The following CRTAC1 variants were observed in gnomAD, a reference collection of about 807,000 sequenced individuals.
CRTAC1 encodes acidic secreted protein in cartilage.
A neutral mutation model predicts 67.8 loss-of-function variants in CRTAC1; 37 were observed. The observed-to-expected ratio is 0.55, with a 90% CI of 0.42 to 0.72. The LOEUF is 0.72. CRTAC1 is among the 30% of genes least tolerant of loss of function. CRTAC1 has a pLI of 0.00. For synonymous variants in CRTAC1, 348 were observed against 371.0 expected (o/e 0.94, Z 0.71); for missense variants, 780 against 931.6 (o/e 0.84, Z 2.12).
At chr10:97,997,919 C>T (rs1180990828) in intron 2 of CRTAC1, among the ~76,000 whole-genome samples, 1 of 152,034 alleles carries the variant, frequency 6.6e-6, no homozygotes, top group Non-Finnish European at 1.5e-5. Context: ...ATGAGAAAAC[C>T]TCACATGTCT....
chr10:97,975,321 AG>A lies in CRTAC1; in HGVS notation c.224+35816del, dbSNP rs2051782284. ...GAGCACGGGTGCTGCGGGAGGCGCC[AG>A]GGCCGGTTCCTGACCCGCCTCCTGG... On this transcript the variant is annotated intron_variant, in intron 2 of 14. Transcript: ENST00000370597. This position sits in a 1 kb window ranked among gnomAD's most constrained non-coding sequence, Gnocchi z 4.8. 6.6e-6 allele frequency among the ~76,000 whole-genome samples: 1 copy of A among 151,986 alleles called. No individual in the cohort carries two copies. Among genetic ancestry groups the A allele is most frequent in the South Asian group, 2.1e-4 (1 of 4,810 alleles).
intron 2 of CRTAC1, among the ~76,000 whole-genome samples, chr10:98,002,720 G>A (rs1294209819): frequency 7.0e-6 from 1 of 143,136 alleles, no homozygotes; most frequent in Admixed American, 7.0e-5. Flanking sequence ...GATGGTCACC[G>A]AGGAACAAAG....
Position 97,936,211 on chromosome 10 carries a change from C to A in CRTAC1, c.380G>T (p.Arg127Leu). 6.2e-7 allele frequency: 1 copy of A among 1,613,754 alleles called. No individual in the cohort carries two copies. The highest frequency in any genetic ancestry group is 8.5e-7 in the Non-Finnish European group (1 of 1,179,808). Residue 127 changes from arginine to leucine, a missense_variant, in exon 3 of 15, where the codon CGG (arginine) becomes CTG (leucine). Arg to Leu is a moderately radical substitution (Grantham distance 102). Coordinates refer to ENST00000370597, the MANE Select transcript of CRTAC1 (RefSeq NM_018058.7). ...GGTGTTGAGGAAGTAGATCTCCTCCCGGCCGTCCCCGTCGATGTCGCAGGC... is the reference window on the plus strand; with the variant it reads ...GGTGTTGAGGAAGTAGATCTCCTCCAGGCCGTCCCCGTCGATGTCGCAGGC... ...VTACDIDGDG[R>L]EEIYFLNTNN...
At chr10:98,017,398 G>A (rs949334213) in intron 1 of CRTAC1, among the ~76,000 whole-genome samples, 2 of 152,168 alleles carry the variant, frequency 1.3e-5, no homozygotes, top group African/African-American at 2.4e-5. Flanking sequence ...GGGCCAGAGC[G>A]CAGGGTGCCT....
chr10:97,936,974 T>G (rs1317672372), intron 2 of CRTAC1, among the ~76,000 whole-genome samples: 4 of 152,190 alleles, frequency 2.6e-5, no homozygotes, highest in Admixed American at 2.6e-4. Flanking sequence ...AGCAGGAGGC[T>G]TTGTTGTTGA....
chr10:97,946,601 GC>G (rs1283254631), intron 2 of CRTAC1, among the ~76,000 whole-genome samples: 2 of 152,204 alleles, frequency 1.3e-5, no homozygotes. Flanking sequence ...AGTGAAAGTG[GC>G]ATCTTGGGAT....
At chr10:97,907,779 T>A (rs1359480242) in intron 6 of CRTAC1, among the ~76,000 whole-genome samples, 1 of 152,112 alleles carries the variant, frequency 6.6e-6, no homozygotes, top group East Asian at 1.9e-4. Flanking sequence ...AGATGGCAAT[T>A]GGCAGGAGTT....
chr10:97,934,024 G>C (rs1308960181), intron 3 of CRTAC1, among the ~76,000 whole-genome samples: 1 of 152,198 alleles, frequency 6.6e-6, no homozygotes, highest in African/African-American at 2.4e-5. Flanking sequence ...CGTGGGAGGG[G>C]CTGCTGCTTC....
intron 11 of CRTAC1, among the ~76,000 whole-genome samples, chr10:97,886,001 G>A (rs2050278561): frequency 6.6e-6 from 1 of 152,180 alleles, no homozygotes; most frequent in African/African-American, 2.4e-5. Flanking sequence ...GCTACTATGG[G>A]GTGGACGGTA....
intron 12 of CRTAC1, among the ~76,000 whole-genome samples, chr10:97,883,405 C>T (rs1009263478): frequency 6.6e-6 from 1 of 152,180 alleles, no homozygotes; most frequent in Non-Finnish European, 1.5e-5. Flanking sequence ...TCTACCATGC[C>T]CATATGGGGG....
intron 2 of CRTAC1, among the ~76,000 whole-genome samples, chr10:97,940,878 G>A (rs1450906152): frequency 2.0e-5 from 3 of 152,158 alleles, no homozygotes; most frequent in Non-Finnish European, 2.9e-5. Flanking sequence ...CAACAAACCC[G>A]GGGCACAATC....
intron 3 of CRTAC1, 50 bp from the exon 4 acceptor site, chr10:97,923,450 G>A: frequency 6.2e-7 from 1 of 1,611,180 alleles, no homozygotes; most frequent in Non-Finnish European, 8.5e-7. Context: ...TCAGGGTCTT[G>A]GTTCTGATCT....
chr10:97,910,457 T>TG (rs1203043332), intron 5 of CRTAC1, among the ~76,000 whole-genome samples: 1 of 152,234 alleles, frequency 6.6e-6, no homozygotes, highest in African/African-American at 2.4e-5. Flanking sequence ...ACAAGACCCC[T>TG]GGGTGGTTTA....
chr10:98,011,046 G>T (rs1407089289), intron 2 of CRTAC1, 92 bp downstream of exon 2: 2 of 1,094,958 alleles, frequency 1.8e-6, no homozygotes, highest in African/African-American at 1.5e-5. Flanking sequence ...AACGTATGTT[G>T]TTGCAAGTCA....
chr10:97,998,920 T>C (rs935682520), intron 2 of CRTAC1, among the ~76,000 whole-genome samples: 4 of 152,120 alleles, frequency 2.6e-5, no homozygotes, highest in Admixed American at 1.3e-4. Flanking sequence ...TTAAAACGTA[T>C]GTAAAGTTTC....
chr10:97,976,979 C>T (rs2051815776), intron 2 of CRTAC1, among the ~76,000 whole-genome samples: 1 of 152,152 alleles, frequency 6.6e-6, no homozygotes, highest in Non-Finnish European at 1.5e-5. Context: ...ATCATCTTGT[C>T]CAAAGGTGTG....
At chr10:97,932,069 T>C (rs1348469183) in intron 3 of CRTAC1, among the ~76,000 whole-genome samples, 2 of 152,136 alleles carry the variant, frequency 1.3e-5, no homozygotes, top group African/African-American at 4.8e-5. Flanking sequence ...TCTTCCTCCT[T>C]CTCCTTTCCC....
At chr10:97,982,397 G>C (rs537561212) in intron 2 of CRTAC1, among the ~76,000 whole-genome samples, 6 of 152,330 alleles carry the variant, frequency 3.9e-5, no homozygotes, top group South Asian at 4.1e-4. Context: ...CCAGCATGAA[G>C]TTAAATCAGT....
At chr10:97,983,018 C>T (rs2051920750) in intron 2 of CRTAC1, among the ~76,000 whole-genome samples, 1 of 152,230 alleles carries the variant, frequency 6.6e-6, no homozygotes, top group Non-Finnish European at 1.5e-5. Context: ...CAATTCTAGA[C>T]TCTCAAGATG....
Sources: gnomAD v4.1 joint callset for allele counts (sites outside exome capture counted in the v4.1 genomes callset) on GRCh38, gnomAD v4.1.1 for gene constraint, Gnocchi (gnomAD v3.1) non-coding constraint, MANE v1.5 for transcripts, NCBI Gene and HGNC (gene_info 2026-07-23, HGNC 2026-07-21) for gene names.